Variants in PIEZO2 observed in about 807,000 individuals in gnomAD.
PIEZO2 encodes the protein piezo-type mechanosensitive ion channel component 2.
Under a neutral mutation model 337.3 loss-of-function variants are expected in PIEZO2, and 172 were observed. That is an observed-to-expected ratio of 0.51 (90% CI 0.45 to 0.58). PIEZO2 has a LOEUF of 0.58. PIEZO2 is among the 20% of genes least tolerant of loss of function. The probability of loss-of-function intolerance (pLI) is 0.00; values close to 1 mark genes in which losing one functional copy is unlikely to be tolerated. For missense variants in PIEZO2, 3,028 were observed against 3,391.3 expected (o/e 0.89, Z 2.66); for synonymous variants, 1,251 against 1,228.5 (o/e 1.02, Z -0.38).
At chr18:10,688,129 T>C (rs565863370) in intron 49 of PIEZO2, among the ~76,000 whole-genome samples, 17 of 152,086 alleles carry the variant, frequency 1.1e-4, no homozygotes, top group Non-Finnish European at 2.4e-4. Flanking sequence ...ATGCGTTAGG[T>C]ATTTGTCCTA....
At chr18:11,014,153 A>G (rs988580870) in intron 2 of PIEZO2, among the ~76,000 whole-genome samples, 2 of 152,350 alleles carry the variant, frequency 1.3e-5, no homozygotes, top group Non-Finnish European at 1.5e-5. Context: ...AATGACAGCA[A>G]TCCAGGGCCC....
rs1468095353 is a variant in PIEZO2 at position 10,680,320 on chromosome 18, C to A, written c.7831G>T (p.Glu2611Ter). The A allele has an allele frequency of 6.2e-7, 1 of 1,614,080 alleles. No individual in the cohort carries two copies. Among genetic ancestry groups the A allele is most frequent in the Non-Finnish European group, 8.5e-7 (1 of 1,179,946 alleles). ...AAAGAATTTGAGTTTCCTTCCAGTT[C>A]TGCTACTGTTATGTCTTCTTTTTCA... The part of the protein sequence containing the change: ...NYEKEDITVA[E>*]LEGNSNSLWT... The change falls in exon 52 of 56, where the codon GAA (glutamate) becomes TAA (stop). Residue 2611 changes from glutamate to a stop codon, truncating the protein, a stop_gained. Transcript: ENST00000674853. LOFTEE classifies it high-confidence loss of function.
At chr18:10,960,337 T>TGG (rs2033711014) in intron 3 of PIEZO2, among the ~76,000 whole-genome samples, 1 of 152,188 alleles carries the variant, frequency 6.6e-6, no homozygotes, top group South Asian at 2.1e-4. Flanking sequence ...AAGAAGCACT[T>TGG]ACAGCCAAAC....
chr18:11,108,742 G>C (rs2039648208), intron 1 of PIEZO2, among the ~76,000 whole-genome samples: 3 of 151,502 alleles, frequency 2.0e-5, no homozygotes, highest in African/African-American at 7.3e-5. Context: ...TCTGTCTCAT[G>C]TTAGGGGAAA....
In PIEZO2 at chr18:10,696,225, A is replaced by G. The variant is rs746518572; in HGVS notation, c.7039T>C (p.Leu2347=). The G allele has an allele frequency of 2.5e-6, 4 of 1,614,200 alleles. No individual in the cohort carries two copies. The Admixed American group carries it at 5.0e-5, about 20-fold the overall frequency. Residue 2347 remains leucine (L), a synonymous_variant, in exon 47 of 56, where the codon TTG becomes CTG. Coordinates refer to ENST00000674853, the MANE Select transcript of PIEZO2 (RefSeq NM_001378183.1). ...CCAAACTGAATGAGGACCATCACCA[A>G]AAACGGCCCCGGGACCTGGTCCTCT... is the stretch of plus-strand genomic sequence containing the variant. ...LSEDQVPGPF[L]VMVLIQFGTM...
chr18:11,063,850 G>C (rs1272860056), intron 2 of PIEZO2, among the ~76,000 whole-genome samples: 1 of 152,112 alleles, frequency 6.6e-6, no homozygotes, highest in African/African-American at 2.4e-5. Context: ...TTGAACCTGA[G>C]TTTTCCCTAG....
chr18:10,715,289 A>G (rs2035968903), intron 38 of PIEZO2, among the ~76,000 whole-genome samples: 1 of 151,624 alleles, frequency 6.6e-6, no homozygotes, highest in Non-Finnish European at 1.5e-5. Context: ...TTCAGTGATC[A>G]GGTGGGAGAA....
At chr18:10,985,471 C>A (rs2034835804) in intron 2 of PIEZO2, among the ~76,000 whole-genome samples, 1 of 151,860 alleles carries the variant, frequency 6.6e-6, no homozygotes, top group African/African-American at 2.4e-5. Flanking sequence ...TTCTTGGAGC[C>A]CTTGTCAAAA....
At chr18:10,801,543 C>G in intron 9 of PIEZO2, 115 bp from the exon 10 acceptor site, 1 of 894,882 alleles carries the variant, frequency 1.1e-6, no homozygotes, top group Non-Finnish European at 1.7e-6. Context: ...TTGCTGATTG[C>G]TAGTATATTA....
At chr18:11,008,358 T>A (rs2035789839) in intron 2 of PIEZO2, among the ~76,000 whole-genome samples, 1 of 152,140 alleles carries the variant, frequency 6.6e-6, no homozygotes, top group African/African-American at 2.4e-5. Flanking sequence ...TCAAGATATA[T>A]CAAAGCAAAT....
intron 23 of PIEZO2, among the ~76,000 whole-genome samples, chr18:10,762,222 G>A (rs1023817195): frequency 5.3e-5 from 8 of 152,088 alleles, no homozygotes; most frequent in African/African-American, 1.7e-4. Context: ...TGCACCCATC[G>A]ACCTTAATCT....
chr18:10,914,270 T>A (rs969873338), intron 3 of PIEZO2, among the ~76,000 whole-genome samples: 1 of 65,538 alleles, frequency 1.5e-5, no homozygotes, highest in Non-Finnish European at 3.4e-5. Context: ...AAACATGTTA[T>A]TTTTTTTTTT....
chr18:10,944,488 C>CATATATAT (rs768935656), intron 3 of PIEZO2, among the ~76,000 whole-genome samples: 2 of 132,892 alleles, frequency 1.5e-5, no homozygotes, highest in African/African-American at 2.8e-5. Flanking sequence ...ATCTTAGTAA[C>CATATATAT]ATATATATAT....
chr18:11,101,116 T>C lies in PIEZO2; in HGVS notation c.65-34894A>G, dbSNP rs972492167. 4.6e-5 allele frequency among the ~76,000 whole-genome samples: 7 copies of C among 152,198 alleles called. No individual in the cohort carries two copies. The highest frequency in any genetic ancestry group is 1.7e-4 in the African/African-American group (7 of 41,462). ...CCATGTGGCCAGAGTCTGGTTCAGATGTTTCATGAGCTTCCCCACCACTAA... is the reference window on the plus strand; with the variant it reads ...CCATGTGGCCAGAGTCTGGTTCAGACGTTTCATGAGCTTCCCCACCACTAA... On this transcript the variant is annotated intron_variant, in intron 1 of 55. Transcript: ENST00000674853. This position sits in a 1 kb window ranked among gnomAD's most constrained non-coding sequence, Gnocchi z 4.4.
intron 11 of PIEZO2, among the ~76,000 whole-genome samples, chr18:10,798,151 C>T (rs2039678205): frequency 6.6e-6 from 1 of 152,222 alleles, no homozygotes; most frequent in Non-Finnish European, 1.5e-5. Flanking sequence ...GAGATAGCAG[C>T]TTGACTGCAA....
chr18:10,691,590 G>A (rs1161622888), intron 47 of PIEZO2, among the ~76,000 whole-genome samples: 1 of 151,558 alleles, frequency 6.6e-6, no homozygotes, highest in Admixed American at 6.6e-5. Context: ...TCCTGTGAAT[G>A]GTGCCTCCAA....
intron 2 of PIEZO2, among the ~76,000 whole-genome samples, chr18:11,023,374 C>A (rs369725124): frequency 3.3e-5 from 5 of 152,180 alleles, no homozygotes; most frequent in African/African-American, 1.2e-4. Flanking sequence ...TACAGAGGGT[C>A]CACACAAAGG....
In PIEZO2 at chr18:10,696,468, G is replaced by C. The variant is rs145767108; in HGVS notation, c.6899C>G (p.Thr2300Ser). The change falls in exon 46 of 56, where the codon ACT (threonine) becomes AGT (serine). Residue 2300 changes from threonine to serine, a missense_variant. By Grantham distance (58) the Thr-to-Ser change is moderately conservative. Transcript: ENST00000674853. ...NLIHPEYSAVTDVYVLMFLAD... is the reference protein window; with the variant it reads ...NLIHPEYSAVSDVYVLMFLAD... ...CAGGAACATGAGTACATACACGTCA[G>C]TCACGGCGCTATACTCCGGGTGGAT... 45 of 1,614,066 alleles carry C rather than the reference G, an allele frequency of 2.8e-5. No individual in the cohort carries two copies. Among genetic ancestry groups the C allele is most frequent in the Non-Finnish European group, 3.5e-5 (41 of 1,180,046 alleles).
chr18:10,874,645 G>T (rs2042225175), intron 4 of PIEZO2, among the ~76,000 whole-genome samples: 1 of 152,062 alleles, frequency 6.6e-6, no homozygotes, highest in Non-Finnish European at 1.5e-5. Context: ...CCATAAAAAA[G>T]AATGAAATCC....
Sources: allele counts gnomAD v4.1 joint callset (sites outside exome capture counted in the v4.1 genomes callset), GRCh38; gene constraint gnomAD v4.1.1; non-coding constraint Gnocchi (gnomAD v3.1); transcripts MANE v1.5; gene names NCBI Gene and HGNC (gene_info 2026-07-23, HGNC 2026-07-21).